The following GALNT16 variants were observed in gnomAD, a reference collection of about 807,000 sequenced individuals.
GALNT16 encodes polypeptide N-acetylgalactosaminyltransferase 16.
Under a neutral mutation model 76.1 loss-of-function variants are expected in GALNT16, and 40 were observed. That is an observed-to-expected ratio of 0.53 (90% CI 0.41 to 0.68). The LOEUF (loss-of-function observed/expected upper bound fraction) is 0.68, where lower values mean the gene tolerates loss of function less well. Among genes scored for constraint, GALNT16 ranks in the 30% least tolerant of loss-of-function variants. The pLI, the probability that GALNT16 is intolerant of heterozygous loss-of-function variation, is 0.00. For synonymous variants in GALNT16, 276 were observed against 285.2 expected (o/e 0.97, Z 0.32); for missense variants, 621 against 731.9 (o/e 0.85, Z 1.75).
intron 1 of GALNT16, among the ~76,000 whole-genome samples, chr14:69,300,532 A>G (rs564462644): frequency 7.2e-5 from 11 of 152,150 alleles, no homozygotes; most frequent in Admixed American, 1.3e-4. Context: ...GTCTGGGGTG[A>G]TGTTTGAAGC....
chr14:69,335,147 C>A (rs1275678), intron 9 of GALNT16, among the ~76,000 whole-genome samples: 59,452 of 151,970 alleles, frequency 0.39, 12,120 homozygotes, highest in Non-Finnish European at 0.45. Context: ...AAGGCACAGT[C>A]TATGTCTCTG....
intron 1 of GALNT16, among the ~76,000 whole-genome samples, chr14:69,297,521 T>G (rs1271558853): frequency 6.6e-6 from 1 of 152,118 alleles, no homozygotes; most frequent in Non-Finnish European, 1.5e-5. Flanking sequence ...ATTCACCCAT[T>G]AAAGTGTACC....
intron 1 of GALNT16, among the ~76,000 whole-genome samples, chr14:69,268,901 G>C (rs2044371201): frequency 6.6e-6 from 1 of 152,180 alleles, no homozygotes; most frequent in Non-Finnish European, 1.5e-5. Flanking sequence ...GAGAGTGTGT[G>C]CTTAGAGGGG....
chr14:69,385,374 C>T, the GALNT16 span, among the ~76,000 whole-genome samples: 739 of 152,224 alleles, frequency 4.9e-3, 5 homozygotes, highest in African/African-American at 0.017. Context: ...CCTGTAACAC[C>T]TGTTTCAAAT....
At chr14:69,284,073 G>A (rs1466020196) in intron 1 of GALNT16, among the ~76,000 whole-genome samples, 1 of 152,116 alleles carries the variant, frequency 6.6e-6, no homozygotes, top group African/African-American at 2.4e-5. Context: ...CTTTTTGGGT[G>A]CTCACACCTG....
chr14:69,359,027 C>A (rs1275731948), downstream of GALNT16: 1 of 152,290 alleles, frequency 6.6e-6, no homozygotes, highest in Admixed American at 6.5e-5. Context: ...GCAAGGAAAC[C>A]CTTCCTGATC....
intron 1 of GALNT16, among the ~76,000 whole-genome samples, chr14:69,282,782 C>A (rs1041520211): frequency 1.3e-5 from 2 of 152,100 alleles, no homozygotes; most frequent in Non-Finnish European, 2.9e-5. Flanking sequence ...TCTCCTGCCT[C>A]ATCCCTCCTG....
chr14:69,266,265 G>A (rs2044341655), intron 1 of GALNT16, among the ~76,000 whole-genome samples: 1 of 152,228 alleles, frequency 6.6e-6, no homozygotes, highest in African/African-American at 2.4e-5. Flanking sequence ...AATGTTGGCA[G>A]TAGGGAGGTA....
At chr14:69,344,452 C>T (rs1566889166) in intron 12 of GALNT16, among the ~76,000 whole-genome samples, 1 of 152,232 alleles carries the variant, frequency 6.6e-6, no homozygotes, top group Non-Finnish European at 1.5e-5. Context: ...GATCTAATGG[C>T]AGCCTGTGTA....
At chr14:69,274,727 A>G (rs1348042856) in intron 1 of GALNT16, among the ~76,000 whole-genome samples, 1 of 152,218 alleles carries the variant, frequency 6.6e-6, no homozygotes, top group Non-Finnish European at 1.5e-5. Context: ...TAAGATTTTG[A>G]GAGACTGCTG....
At chr14:69,294,033 G>A (rs1270507600) in intron 1 of GALNT16, among the ~76,000 whole-genome samples, 1 of 152,096 alleles carries the variant, frequency 6.6e-6, no homozygotes, top group Non-Finnish European at 1.5e-5. Context: ...TGGGACTAGA[G>A]GTGTGCACCA....
At chr14:69,271,501 T>G (rs888041224) in intron 1 of GALNT16, among the ~76,000 whole-genome samples, 5 of 152,218 alleles carry the variant, frequency 3.3e-5, no homozygotes, top group African/African-American at 1.2e-4. Flanking sequence ...GGAGCTCTGA[T>G]GGGAGGCTGG....
chr14:69,287,153 G>A (rs1167368824), intron 1 of GALNT16, among the ~76,000 whole-genome samples: 1 of 152,162 alleles, frequency 6.6e-6, no homozygotes, highest in Non-Finnish European at 1.5e-5. Context: ...CCATCTTTGT[G>A]CAATTACAAC....
In GALNT16 at chr14:69,347,935, C is replaced by T; in HGVS notation, c.1472C>T (p.Ser491Phe). Residue 491 changes from serine (S) to phenylalanine (F), a missense_variant, in exon 14 of 15, where the codon TCC (serine) becomes TTC (phenylalanine). By Grantham distance (155) the Ser-to-Phe change is radical. Transcript: ENST00000448469. ...CAGGGGAAGTGCCTGGCTGCCACCT[C>T]CACCTTAATGTCCTCCCCTGGATCC... ...QQQGKCLAAT[S>F]TLMSSPGSPV... 1 of 1,614,072 alleles carries T rather than the reference C, an allele frequency of 6.2e-7. No individual in the cohort carries two copies. The highest frequency in any genetic ancestry group is 1.1e-5 in the South Asian group (1 of 91,084).
intron 1 of GALNT16, among the ~76,000 whole-genome samples, chr14:69,307,605 C>T (rs2044955187): frequency 6.6e-6 from 1 of 152,166 alleles, no homozygotes; most frequent in Non-Finnish European, 1.5e-5. Flanking sequence ...CTGCTTCACT[C>T]AGAGGTTAAC....
chr14:69,265,788 A>G (rs1446633502), intron 1 of GALNT16, among the ~76,000 whole-genome samples: 1 of 152,184 alleles, frequency 6.6e-6, no homozygotes, highest in Non-Finnish European at 1.5e-5. Context: ...TGCCTGGTAC[A>G]GTCACCGACT....
the GALNT16 span, among the ~76,000 whole-genome samples, chr14:69,382,024 A>G: frequency 6.6e-6 from 1 of 152,224 alleles, no homozygotes; most frequent in Non-Finnish European, 1.5e-5. Flanking sequence ...AAGGCTTTAA[A>G]AAGTGAAGCA....
intron 12 of GALNT16, among the ~76,000 whole-genome samples, chr14:69,346,310 C>T (rs1024682805): frequency 6.6e-6 from 1 of 152,150 alleles, no homozygotes; most frequent in African/African-American, 2.4e-5. Context: ...TATAATCAAC[C>T]ACTCTGAGAT....
chr14:69,292,548 C>T (rs1320271080), intron 1 of GALNT16, among the ~76,000 whole-genome samples: 1 of 152,218 alleles, frequency 6.6e-6, no homozygotes, highest in Non-Finnish European at 1.5e-5. Context: ...CCTTCCATAC[C>T]CTTGGCCAGT....
Sources: gnomAD v4.1 joint callset for allele counts (sites outside exome capture counted in the v4.1 genomes callset) on GRCh38, gnomAD v4.1.1 for gene constraint, MANE v1.5 for transcripts, NCBI Gene and HGNC (gene_info 2026-07-23, HGNC 2026-07-21) for gene names.